PTPN3: variants seen among roughly 807,000 people sequenced by gnomAD.
The protein encoded by PTPN3 is protein tyrosine phosphatase non-receptor type 3, also known as tyrosine-protein phosphatase non-receptor type 3.
Under a neutral mutation model 132.7 loss-of-function variants are expected in PTPN3, and 96 were observed. The observed-to-expected ratio is 0.72, with a 90% confidence interval of 0.61 to 0.86. PTPN3 has a LOEUF of 0.86. Ranked by LOEUF, PTPN3 falls within the 40% of genes least tolerant of loss-of-function variation. The pLI is 0.00. For synonymous variants in PTPN3, 398 were observed against 429.0 expected, an observed-to-expected ratio of 0.93 and a Z score of 0.89; for missense variants, 1,125 against 1,159.6, an observed-to-expected ratio of 0.97 and a Z score of 0.43.
chr9:109,448,571 T>C (rs1845016437), intron 6 of PTPN3, among the ~76,000 whole-genome samples: 1 of 152,218 alleles, frequency 6.6e-6, no homozygotes. Context: ...ACCAGAAAGA[T>C]AGCTGCATCC....
At chr9:109,437,889 CGCA>C (rs2131935337) in intron 8 of PTPN3, among the ~76,000 whole-genome samples, 1 of 152,268 alleles carries the variant, frequency 6.6e-6, no homozygotes, top group East Asian at 1.9e-4. Context: ...CTGAAAAGGA[CGCA>C]GCAGCTATCA....
At chr9:109,526,186 C>T in the PTPN3 span, among the ~76,000 whole-genome samples, 1 of 151,950 alleles carries the variant, frequency 6.6e-6, no homozygotes, top group African/African-American at 2.4e-5. Context: ...ACACTGACAA[C>T]CATAAAGCAT....
At chr9:109,428,471 C>T (rs1843435428) in intron 11 of PTPN3, 150 bp downstream of exon 11, 1 of 733,336 alleles carries the variant, frequency 1.4e-6, no homozygotes, top group Non-Finnish European at 2.2e-6. Flanking sequence ...AGAAATGGGG[C>T]AAAGTGGTGC....
chr9:109,494,838 G>A (rs530722777), intron 1 of PTPN3, among the ~76,000 whole-genome samples: 2 of 152,132 alleles, frequency 1.3e-5, no homozygotes, highest in African/African-American at 4.8e-5. Context: ...ATACATGGTA[G>A]AGACTCAATA....
intron 6 of PTPN3, among the ~76,000 whole-genome samples, chr9:109,446,349 G>A (rs995036575): frequency 1.3e-5 from 2 of 152,204 alleles, no homozygotes; most frequent in African/African-American, 4.8e-5. Flanking sequence ...CAGGGGTTCC[G>A]CTTCCTGTCC....
At chr9:109,399,917 C>T (rs2131688470) in intron 19 of PTPN3, among the ~76,000 whole-genome samples, 1 of 151,716 alleles carries the variant, frequency 6.6e-6, no homozygotes, top group Non-Finnish European at 1.5e-5. Context: ...CCCAGAGCTC[C>T]AAACCCAGCA....
intron 5 of PTPN3, among the ~76,000 whole-genome samples, chr9:109,454,182 T>C (rs1180928364): frequency 1.3e-5 from 2 of 152,270 alleles, no homozygotes; most frequent in East Asian, 3.9e-4. Context: ...CTTTTTGTCC[T>C]TTGAGCACAG....
intron 10 of PTPN3, among the ~76,000 whole-genome samples, chr9:109,431,425 A>G (rs933854595): frequency 1.5e-4 from 23 of 152,212 alleles, no homozygotes; most frequent in Non-Finnish European, 3.1e-4. Flanking sequence ...GGCTGGGTGC[A>G]GAAAAATGAG....
chr9:109,533,800 A>G, the PTPN3 span: 2 of 1,019,800 alleles, frequency 2.0e-6, no homozygotes, highest in South Asian at 3.0e-5. Context: ...GGCCTTGGGG[A>G]GCACGCTCCC....
chr9:109,531,857 T>TA, the PTPN3 span, among the ~76,000 whole-genome samples: 1 of 151,050 alleles, frequency 6.6e-6, no homozygotes, highest in Admixed American at 6.6e-5. Flanking sequence ...ACTTGGAGGT[T>TA]AAAAAAAAAA....
At chr9:109,504,622 A>G in the PTPN3 span, among the ~76,000 whole-genome samples, 2 of 152,244 alleles carry the variant, frequency 1.3e-5, no homozygotes, top group African/African-American at 4.8e-5. Flanking sequence ...GGGAACCCTC[A>G]AGGATGGAGG....
intron 2 of PTPN3, among the ~76,000 whole-genome samples, chr9:109,457,676 A>G (rs1398832084): frequency 1.3e-5 from 2 of 152,188 alleles, no homozygotes; most frequent in Non-Finnish European, 2.9e-5. Context: ...GATAATGTCT[A>G]AATCGGAAAA....
chr9:109,459,253 C>T (rs138507452), intron 2 of PTPN3, among the ~76,000 whole-genome samples: 7 of 152,380 alleles, frequency 4.6e-5, no homozygotes, highest in African/African-American at 1.4e-4. Flanking sequence ...CACCAGGGCT[C>T]GCTCCCTGGG....
chr9:109,417,989 A>C (rs922018444), intron 14 of PTPN3, among the ~76,000 whole-genome samples: 3 of 152,214 alleles, frequency 2.0e-5, no homozygotes, highest in Admixed American at 6.5e-5. Context: ...TGAATTTTAA[A>C]TCTTATTTAA....
At chr9:109,511,324 C>T in the PTPN3 span, among the ~76,000 whole-genome samples, 9 of 152,098 alleles carry the variant, frequency 5.9e-5, no homozygotes, top group African/African-American at 1.7e-4. Flanking sequence ...TGAGAAGATA[C>T]ACAAAGAGAT....
At chr9:109,487,527 T>TG (rs550049613) in intron 1 of PTPN3, among the ~76,000 whole-genome samples, 2 of 152,242 alleles carry the variant, frequency 1.3e-5, no homozygotes, top group South Asian at 4.2e-4. Flanking sequence ...GCTCTGGGGG[T>TG]GGGGCCTAAC....
chr9:109,388,219 G>C (rs1262712297), intron 22 of PTPN3, among the ~76,000 whole-genome samples: 1 of 152,204 alleles, frequency 6.6e-6, no homozygotes, highest in Non-Finnish European at 1.5e-5. Flanking sequence ...GATGTGGACG[G>C]GTTAGGGCCT....
At chr9:109,432,376 T>C (rs1174855374) in intron 10 of PTPN3, among the ~76,000 whole-genome samples, 1 of 152,158 alleles carries the variant, frequency 6.6e-6, no homozygotes, top group East Asian at 1.9e-4. Flanking sequence ...TTTGTCCTTT[T>C]CCATCTGCAT....
chr9:109,391,202 G>A lies in PTPN3; in HGVS notation c.2045-3C>T. The A allele has an allele frequency of 6.2e-7, 1 of 1,611,420 alleles. No individual in the cohort carries two copies. Among genetic ancestry groups the A allele is most frequent in the Non-Finnish European group, 8.5e-7 (1 of 1,178,374 alleles). On this transcript the variant is annotated splice_region_variant and splice_polypyrimidine_tract_variant and intron_variant, in intron 20 of 25. Coordinates refer to ENST00000374541, the MANE Select transcript of PTPN3 (RefSeq NM_002829.4). ...CAATAATACCCGGGTGGTGTCATCTGCGGGGAAGAGAAAAATTTACCGATT... is the reference window on the plus strand; with the variant it reads ...CAATAATACCCGGGTGGTGTCATCTACGGGGAAGAGAAAAATTTACCGATT...
Sources: gnomAD v4.1 joint callset for allele counts (sites outside exome capture counted in the v4.1 genomes callset) on GRCh38, gnomAD v4.1.1 for gene constraint, MANE v1.5 for transcripts, NCBI Gene and HGNC (gene_info 2026-07-23, HGNC 2026-07-21) for gene names.